PRH1: variants seen among roughly 807,000 people sequenced by gnomAD.
PRH1 encodes the protein proline rich protein HaeIII subfamily 1.
In PRH1, 7 loss-of-function variants were observed where a neutral mutation model predicts 7.9. The ratio of observed to expected loss-of-function variants is 0.89; its 90% CI spans 0.50 to 1.67. PRH1 has a LOEUF of 1.67. PRH1 is among the 40% of genes most tolerant of loss of function. The probability of loss-of-function intolerance (pLI) is 0.00; values close to 1 mark genes in which losing one functional copy is unlikely to be tolerated. For synonymous variants in PRH1, 45 were observed against 80.8 expected, an observed-to-expected ratio of 0.56 and a Z score of 2.38; for missense variants, 109 against 223.6, an observed-to-expected ratio of 0.49 and a Z score of 3.27.
At chr12:11,022,621 T>C (rs768234345) in intron 1 of PRH1, 11 of 1,339,704 alleles carry the variant, frequency 8.2e-6, no homozygotes, top group African/African-American at 4.4e-5. Flanking sequence ...TTCTGAGTCC[T>C]TTAACATCCA....
intron 1 of PRH1, among the ~76,000 whole-genome samples, chr12:11,074,843 T>C (rs66938609): frequency 0.22 from 18,500 of 82,792 alleles, 2,570 homozygotes; most frequent in Non-Finnish European, 0.3. Context: ...CTTTTCTCTC[T>C]TCCATGGACT....
chr12:10,941,142 G>A (rs564592248), intron 2 of PRH1, among the ~76,000 whole-genome samples: 1 of 152,096 alleles, frequency 6.6e-6, no homozygotes, highest in Admixed American at 6.6e-5. Context: ...TGGGTGGGGG[G>A]TTGTGTGGTG....
intron 2 of PRH1, among the ~76,000 whole-genome samples, chr12:10,915,316 C>T (rs1949958556): frequency 6.6e-6 from 1 of 152,118 alleles, no homozygotes; most frequent in South Asian, 2.1e-4. Context: ...TATCTGGTTT[C>T]CTGAATGAAG....
chr12:11,165,939 G>C (rs1447729025), intron 1 of PRH1, among the ~76,000 whole-genome samples: 1 of 152,240 alleles, frequency 6.6e-6, no homozygotes, highest in African/African-American at 2.4e-5. Context: ...GTTAATCAGA[G>C]AAAAGTTCAT....
chr12:10,906,168 G>A (rs929687652), intron 2 of PRH1, among the ~76,000 whole-genome samples: 164 of 152,264 alleles, frequency 1.1e-3, no homozygotes, highest in African/African-American at 3.7e-3. Flanking sequence ...ATTGAAACAG[G>A]TTACTAAAAA....
chr12:10,896,286 C>T (rs936020306), intron 2 of PRH1, among the ~76,000 whole-genome samples: 1 of 152,172 alleles, frequency 6.6e-6, no homozygotes, highest in African/African-American at 2.4e-5. Context: ...TTTGATTCAT[C>T]TACCACCCTG....
chr12:10,974,397 CA>C, intron 1 of PRH1, among the ~76,000 whole-genome samples: 1 of 152,122 alleles, frequency 6.6e-6, no homozygotes, highest in East Asian at 1.9e-4. Context: ...GTATCGTAAC[CA>C]GCAATCCAGG....
chr12:10,923,061 C>G (rs956720078), intron 2 of PRH1, among the ~76,000 whole-genome samples: 1 of 150,560 alleles, frequency 6.6e-6, no homozygotes, highest in Non-Finnish European at 1.5e-5. Context: ...ATCTCCTGAC[C>G]TCATGATCCA....
At chr12:10,996,938 T>C in intron 1 of PRH1, 1 of 1,591,174 alleles carries the variant, frequency 6.3e-7, no homozygotes, top group East Asian at 2.2e-5. Context: ...AATGCACCTC[T>C]TGTGAATCTA....
intron 2 of PRH1, among the ~76,000 whole-genome samples, chr12:10,954,306 C>T (rs1411673188): frequency 3.3e-5 from 5 of 152,078 alleles, no homozygotes; most frequent in African/African-American, 1.2e-4. Flanking sequence ...AACTAAAAGG[C>T]ACATAGAGGC....
At chr12:11,057,495 A>G (rs1943412846) in intron 1 of PRH1, among the ~76,000 whole-genome samples, 1 of 152,240 alleles carries the variant, frequency 6.6e-6, no homozygotes, top group African/African-American at 2.4e-5. Context: ...ACCAAGTTGA[A>G]GCCTCTGAAA....
chr12:10,927,982 T>C (rs1363584974), intron 2 of PRH1, among the ~76,000 whole-genome samples: 1 of 152,200 alleles, frequency 6.6e-6, no homozygotes, highest in Non-Finnish European at 1.5e-5. Flanking sequence ...AATAGTTTAT[T>C]GTCCAATTGT....
At chr12:11,101,182 G>T (rs1360501707) in intron 1 of PRH1, among the ~76,000 whole-genome samples, 1 of 152,190 alleles carries the variant, frequency 6.6e-6, no homozygotes, top group East Asian at 1.9e-4. Flanking sequence ...CTTCTTTTGT[G>T]TGAATTAATT....
chr12:11,123,293 T>A (rs1164965007), intron 1 of PRH1, among the ~76,000 whole-genome samples: 4 of 31,766 alleles, frequency 1.3e-4, no homozygotes, highest in African/African-American at 2.1e-4. Context: ...ACAATGAACA[T>A]TCTTTCACAT....
chr12:10,900,844 T>C (rs763593960), intron 2 of PRH1, among the ~76,000 whole-genome samples: 13 of 151,998 alleles, frequency 8.6e-5, no homozygotes, highest in Non-Finnish European at 1.5e-4. Flanking sequence ...GCTTCATGCC[T>C]AGGCAGATCC....
chr12:10,890,229 A>AT (rs1168843277), intron 2 of PRH1, among the ~76,000 whole-genome samples: 1 of 152,136 alleles, frequency 6.6e-6, no homozygotes, highest in Non-Finnish European at 1.5e-5. Context: ...TCCCACTAAC[A>AT]TTTTTGGTGG....
chr12:11,038,613 T>A (rs1164723479), intron 1 of PRH1, among the ~76,000 whole-genome samples: 1 of 152,262 alleles, frequency 6.6e-6, no homozygotes, highest in Non-Finnish European at 1.5e-5. Flanking sequence ...AACATGTCAG[T>A]CTTGTTTGTT....
chr12:11,131,585 G>A (rs1282124164), intron 1 of PRH1, among the ~76,000 whole-genome samples: 2 of 152,236 alleles, frequency 1.3e-5, no homozygotes, highest in African/African-American at 2.4e-5. Context: ...AAATACATAC[G>A]CAAATAGACC....
intron 1 of PRH1, among the ~76,000 whole-genome samples, chr12:11,072,472 G>C (rs1944117577): frequency 6.6e-6 from 1 of 152,224 alleles, no homozygotes. Context: ...TATTAGAGCA[G>C]GACCAAGGCG....
Sources: allele counts gnomAD v4.1 joint callset (sites outside exome capture counted in the v4.1 genomes callset), GRCh38; gene constraint gnomAD v4.1.1; transcripts MANE v1.5; gene names NCBI Gene and HGNC (gene_info 2026-07-23, HGNC 2026-07-21).